Variants in KCP observed in about 807,000 individuals in gnomAD.
The protein encoded by KCP is kielin cysteine rich BMP regulator.
Under a neutral mutation model 212.7 loss-of-function variants are expected in KCP, and 194 were observed. The observed-to-expected ratio is 0.91, with a 90% confidence interval of 0.81 to 1.03. The LOEUF is 1.03. KCP is among the 50% of genes least tolerant of loss of function. The pLI is 0.00. For missense variants in KCP, 2,080 were observed against 2,162.5 expected, an observed-to-expected ratio of 0.96 and a Z score of 0.76; for synonymous variants, 833 against 865.3, an observed-to-expected ratio of 0.96 and a Z score of 0.65.
intron 1 of KCP, 46 bp from the exon 2 acceptor site, chr7:128,908,614 G>A: frequency 6.6e-7 from 1 of 1,524,680 alleles, no homozygotes; most frequent in Non-Finnish European, 8.9e-7. Context: ...TGAGGGGCTG[G>A]CCTGGCCACA....
At chr7:128,908,306 G>GAAAGAAAA (rs55898241) in intron 2 of KCP, 120 bp downstream of exon 2, 1 of 713,298 alleles carries the variant, frequency 1.4e-6, no homozygotes, top group African/African-American at 1.9e-5. Context: ...AAGAAAGAAA[G>GAAAGAAAA]GGAATTGTTC....
At chr7:128,902,569 G>A (rs1443356879) in intron 8 of KCP, among the ~76,000 whole-genome samples, 2 of 152,082 alleles carry the variant, frequency 1.3e-5, no homozygotes, top group Non-Finnish European at 1.5e-5. Context: ...TCACTAACCC[G>A]GGCTGAGCAC....
intron 5 of KCP, 150 bp from the exon 6 acceptor site, chr7:128,904,288 C>T: frequency 6.4e-7 from 1 of 1,552,790 alleles, no homozygotes; most frequent in Non-Finnish European, 8.7e-7. Flanking sequence ...GGTCACCGGG[C>T]CGGCAGATGG....
rs1247985580 is a variant in KCP, at chr7:128,903,828, G to T, written c.655-8C>A. On this transcript the variant is annotated splice_polypyrimidine_tract_variant and splice_region_variant and intron_variant, in intron 6 of 39. Transcript: ENST00000610776. Reference sequence around the variant, plus strand: ...GCAGCGAACTCGGCTCCTCTGTAATGCACCAGTGGCTGTGAGGCTTCAGGT... The same window carrying T: ...GCAGCGAACTCGGCTCCTCTGTAATTCACCAGTGGCTGTGAGGCTTCAGGT... The T allele has an allele frequency of 7.8e-7, 1 of 1,278,566 alleles. No homozygotes were observed. Among genetic ancestry groups the T allele is most frequent in the Non-Finnish European group, 1.0e-6 (1 of 971,112 alleles). 79.2% of individuals were successfully genotyped at this position (1,278,566 alleles called of 1,614,324 possible).
intron 5 of KCP, among the ~76,000 whole-genome samples, chr7:128,904,563 GC>G (rs996169623): frequency 6.6e-5 from 10 of 152,262 alleles, no homozygotes; most frequent in African/African-American, 2.4e-4. Context: ...GCCCTGCCTA[GC>G]CCCCACATTT....
rs145541784 is a variant in KCP, at chr7:128,877,300, G to A, written c.4630C>T (p.Pro1544Ser). The change falls in exon 40 of 40, where the codon CCC becomes TCC. Residue 1544 changes from proline to serine, a missense_variant. Physicochemically the swap from Pro to Ser is moderately conservative, Grantham distance 74 (BLOSUM62 -1). Transcript: ENST00000610776. ...RGPTLCVVGCPLERGFVFDEC... is the reference protein window; with the variant it reads ...RGPTLCVVGCSLERGFVFDEC... ...TCAAACACGAAGCCACGCTCCAGGG[G>A]GCAGCCTACCACTGCAGGGGGAGTG... 803 of 1,518,284 alleles carry A rather than the reference G, an allele frequency of 5.3e-4. 7 individuals carry two copies. The African/African-American group carries it at 0.01, about 20-fold the overall frequency. The allele number at this position is 1,518,284 out of a possible 1,614,324, so 94.1% of individuals were successfully genotyped here. A position where few individuals can be genotyped will look rare whatever the true frequency, so the allele number is the denominator to read the frequency against.
intron 8 of KCP, among the ~76,000 whole-genome samples, chr7:128,902,352 G>T (rs1794896768): frequency 6.6e-6 from 1 of 152,182 alleles, no homozygotes; most frequent in Non-Finnish European, 1.5e-5. Context: ...TTTGAAATCT[G>T]GCATGTATTT....
intron 4 of KCP, 102 bp downstream of exon 4, chr7:128,906,999 G>T: frequency 8.7e-7 from 1 of 1,149,408 alleles, no homozygotes; most frequent in Non-Finnish European, 1.2e-6. Context: ...GGAGTGGCAG[G>T]CAGAGCCCAT....
intron 5 of KCP, among the ~76,000 whole-genome samples, chr7:128,905,209 A>C (rs916563780): frequency 6.6e-6 from 1 of 152,192 alleles, no homozygotes. Flanking sequence ...GCCCAGTAAA[A>C]TTTGAACTTC....
chr7:128,881,882 C>T (rs924538024), intron 30 of KCP, 55 bp downstream of exon 30: 2 of 1,508,904 alleles, frequency 1.3e-6, no homozygotes, highest in African/African-American at 2.8e-5. Context: ...GCAGCCACAG[C>T]CCACAGAGAA....
chr7:128,899,780 AC>A (rs1423306747), intron 8 of KCP, among the ~76,000 whole-genome samples: 1 of 132,100 alleles, frequency 7.6e-6, no homozygotes, highest in Non-Finnish European at 1.5e-5. Context: ...GTAACAGGTC[AC>A]AATTGGAGAA....
At position 128,891,485 on chromosome 7, in the gene KCP, TG is replaced by T; in HGVS notation, c.1843del (p.His615ThrfsTer12). ...KEYPSGADFP[H>X]PSDPCRLCRC... Reference sequence around the variant, plus strand: ...ACACAGACGGCAGGGGTCAGAGGGGTGGGGGAAGTCCGCTCCGCTGGGGTAC... The same window carrying T: ...ACACAGACGGCAGGGGTCAGAGGGGTGGGGAAGTCCGCTCCGCTGGGGTAC... On this transcript the variant is annotated frameshift_variant, in exon 18 of 40. Transcript: ENST00000610776. LOFTEE classifies it high-confidence loss of function. 1 of 1,549,330 alleles carries T rather than the reference TG, an allele frequency of 6.5e-7. No homozygotes were observed. Among genetic ancestry groups the T allele is most frequent in the Non-Finnish European group, 8.7e-7 (1 of 1,146,582 alleles).
chr7:128,887,383 A>G (rs1329108960), intron 22 of KCP, 83 bp from the exon 23 acceptor site: 83 of 1,038,144 alleles, frequency 8.0e-5, no homozygotes, highest in Non-Finnish European at 1.2e-4. Flanking sequence ...CTCCCCCTCC[A>G]CACATACACA....
At chr7:128,897,119 G>T (rs1010270460) in intron 8 of KCP, among the ~76,000 whole-genome samples, 6 of 152,096 alleles carry the variant, frequency 3.9e-5, no homozygotes. Context: ...AGAAGAATGT[G>T]TGAGCTAGTC....
At chr7:128,889,919 G>GTTTTTT (rs1793978236) in intron 21 of KCP, 1 of 144,322 alleles carries the variant, frequency 6.9e-6, no homozygotes, top group African/African-American at 3.4e-5. Flanking sequence ...TTAGTGTCAG[G>GTTTTTT]CTTTTTTTTT....
intron 2 of KCP, 82 bp downstream of exon 2, chr7:128,908,344 C>G (rs1378730009): frequency 1.1e-5 from 14 of 1,322,492 alleles, no homozygotes; most frequent in South Asian, 9.6e-5. Flanking sequence ...TAGGCTCCCC[C>G]CTCCAAGCCT....
At chr7:128,908,107 T>A (rs1192905349) in intron 2 of KCP, among the ~76,000 whole-genome samples, 2 of 120,694 alleles carry the variant, frequency 1.7e-5, no homozygotes, top group Non-Finnish European at 3.2e-5. Flanking sequence ...CCAGCCTGGG[T>A]GACACATGGT....
chr7:128,902,785 G>A lies in KCP; in HGVS notation c.823C>T (p.Arg275Trp), dbSNP rs75750404. The change falls in exon 8 of 40, where the codon CGG becomes TGG. Residue 275 changes from arginine (R) to tryptophan (W), a missense_variant. By Grantham distance (101) the Arg-to-Trp change is moderately radical (BLOSUM62 -3). Transcript: ENST00000610776. ...GCAGCCTCAGGACTCACCAGGCACC[G>A]GCAGATTCGGCAGGGGTCCCCAGGT... ...TTPGDPCRIC[R>W]CLEGHIQCRQ... The A allele has an allele frequency of 7.9e-4, 1,221 of 1,551,480 alleles. 9 individuals carry two copies. The African/African-American group carries it at 0.014, about 18-fold the overall frequency.
At chr7:128,881,273 T>C (rs1793316971) in intron 31 of KCP, among the ~76,000 whole-genome samples, 188 bp from the exon 32 acceptor site, 2 of 152,226 alleles carry the variant, frequency 1.3e-5, no homozygotes, top group South Asian at 4.1e-4. Flanking sequence ...GAGCTCAGGA[T>C]GTCTCTAGGG....
Sources: gnomAD v4.1 joint callset for allele counts (sites outside exome capture counted in the v4.1 genomes callset) on GRCh38, gnomAD v4.1.1 for gene constraint, MANE v1.5 for transcripts, NCBI Gene and HGNC (gene_info 2026-07-23, HGNC 2026-07-21) for gene names.